TEX11: variants seen among roughly 807,000 people sequenced by gnomAD.
TEX11 encodes testis expressed 11, also known as testis-expressed protein 11.
Under a neutral mutation model 84.4 loss-of-function variants are expected in TEX11, and 7 were observed. That is an observed-to-expected ratio of 0.08 (90% CI 0.05 to 0.16). The LOEUF (loss-of-function observed/expected upper bound fraction) is 0.16, where lower values mean the gene tolerates loss of function less well. Ranked by LOEUF, TEX11 falls within the 10% of genes least tolerant of loss-of-function variation. The probability of loss-of-function intolerance (pLI) is 1.00; values close to 1 mark genes in which losing one functional copy is unlikely to be tolerated. For missense variants in TEX11, 551 were observed against 660.5 expected (o/e 0.83, Z 1.82); for synonymous variants, 264 against 222.8 (o/e 1.18, Z -1.64).
chrX:70,767,821 A>C (rs535995360), intron 9 of TEX11, among the ~76,000 whole-genome samples: 1 of 111,935 alleles, frequency 8.9e-6, no homozygotes, highest in Admixed American at 9.5e-5. Context: ...TGTCATTTGC[A>C]ACAACATAAA....
intron 17 of TEX11, among the ~76,000 whole-genome samples, chrX:70,636,806 A>G (rs2089580499): frequency 8.9e-6 from 1 of 112,157 alleles, no homozygotes; most frequent in South Asian, 3.8e-4. Context: ...CCCAGCTGCT[A>G]ATCCAGGAAC....
chrX:70,893,291 A>G lies in TEX11; in HGVS notation c.38-13182T>C, dbSNP rs1041629640. Among the ~76,000 whole-genome samples, 14 of 111,897 alleles carry G rather than the reference A, an allele frequency of 1.3e-4. No homozygotes were observed. In the South Asian group the frequency reaches 2.2e-3, roughly 18 times the overall value. ...TAGCACTTATTCTAAAATTGACCAC[A>G]TAATTGGAAGTAAAATACTCCTCAG... On this transcript the variant is annotated intron_variant, in intron 2 of 29. Coordinates refer to ENST00000374333, the MANE Select transcript of TEX11 (RefSeq NM_031276.3).
intron 4 of TEX11, among the ~76,000 whole-genome samples, chrX:70,868,750 C>T (rs1189194691): frequency 9.0e-6 from 1 of 110,623 alleles, no homozygotes; most frequent in African/African-American, 3.3e-5. Flanking sequence ...AACTGGAAAC[C>T]ATCACTGTCA....
intron 13 of TEX11, among the ~76,000 whole-genome samples, chrX:70,706,215 A>G (rs979368465): frequency 9.1e-6 from 1 of 109,448 alleles, no homozygotes; most frequent in African/African-American, 3.3e-5. Flanking sequence ...AGGTCAAAAA[A>G]TCAAACACTG....
intron 28 of TEX11, among the ~76,000 whole-genome samples, chrX:70,547,551 T>A (rs1171152926): frequency 9.0e-6 from 1 of 110,615 alleles, no homozygotes; most frequent in African/African-American, 3.3e-5. Context: ...GAATCTACAA[T>A]GAACTCAAAC....
At chrX:70,826,483 T>C (rs1048814321) in intron 8 of TEX11, among the ~76,000 whole-genome samples, 4 of 111,276 alleles carry the variant, frequency 3.6e-5, no homozygotes, top group Non-Finnish European at 7.5e-5. Flanking sequence ...TTTAACTACA[T>C]ATTGTGGAAA....
intron 16 of TEX11, among the ~76,000 whole-genome samples, chrX:70,668,816 G>A (rs976942107): frequency 2.7e-5 from 3 of 111,872 alleles, no homozygotes; most frequent in African/African-American, 9.7e-5. Flanking sequence ...TCCCAGTTTG[G>A]CTCCCTATGC....
At chrX:70,776,632 C>A (rs763067397) in intron 9 of TEX11, among the ~76,000 whole-genome samples, 2 of 109,611 alleles carry the variant, frequency 1.8e-5, no homozygotes, top group East Asian at 5.7e-4. Flanking sequence ...AACTGGAGGT[C>A]ATTATGTTAA....
intron 4 of TEX11, among the ~76,000 whole-genome samples, chrX:70,862,009 G>C (rs996120210): frequency 1.6e-4 from 18 of 109,498 alleles, no homozygotes; most frequent in Non-Finnish European, 2.7e-4. Context: ...TCTGTAGAGA[G>C]GGGGTCTCGC....
At chrX:70,743,093 T>C (rs2090744398) in intron 10 of TEX11, among the ~76,000 whole-genome samples, 2 of 112,113 alleles carry the variant, frequency 1.8e-5, no homozygotes, top group South Asian at 7.4e-4. Flanking sequence ...TTTCTGTCTC[T>C]ATGAATTTGA....
chrX:70,827,268 C>T (rs771772814), intron 8 of TEX11, among the ~76,000 whole-genome samples: 40 of 111,780 alleles, frequency 3.6e-4, no homozygotes, highest in Non-Finnish European at 6.2e-4. Context: ...TAACCATTAA[C>T]GACCCAGGGA....
intron 11 of TEX11, among the ~76,000 whole-genome samples, chrX:70,733,841 A>G (rs1405588271): frequency 1.8e-5 from 2 of 111,752 alleles, no homozygotes; most frequent in African/African-American, 3.3e-5. Flanking sequence ...GCTGCTATAA[A>G]GACATACGCA....
In TEX11 at chrX:70,868,732, A is replaced by G. The variant is rs745892400; in HGVS notation, c.244+4491T>C. Among the ~76,000 whole-genome samples the G allele has an allele frequency of 1.3e-4, 15 of 111,236 alleles. No homozygotes were observed. In the South Asian group the frequency reaches 5.6e-3, roughly 42 times the overall value. On this transcript the variant is annotated intron_variant, in intron 4 of 29. Coordinates refer to ENST00000374333, the MANE Select transcript of TEX11 (RefSeq NM_031276.3). ...ATGAGTGCATGTCCTTTGCGGGGAC[A>G]TGGATGAAACTGGAAACCATCACTG...
At chrX:70,892,037 T>C (rs1164741278) in intron 2 of TEX11, among the ~76,000 whole-genome samples, 1 of 111,674 alleles carries the variant, frequency 9.0e-6, no homozygotes, top group Non-Finnish European at 1.9e-5. Flanking sequence ...TGGATCTCTC[T>C]ACAGAAACCC....
At chrX:70,744,594 T>C (rs1055333393) in intron 9 of TEX11, among the ~76,000 whole-genome samples, 1 of 110,151 alleles carries the variant, frequency 9.1e-6, no homozygotes, top group African/African-American at 3.3e-5. Context: ...ATATATATAA[T>C]TTACTGCATT....
chrX:70,547,275 A>G (rs1291090306), intron 28 of TEX11, among the ~76,000 whole-genome samples: 1 of 110,956 alleles, frequency 9.0e-6, no homozygotes, highest in Non-Finnish European at 1.9e-5. Context: ...TTCTAGGGTA[A>G]TGGAAATGTT....
chrX:70,765,101 T>C (rs1346779269), intron 9 of TEX11, among the ~76,000 whole-genome samples: 1 of 111,489 alleles, frequency 9.0e-6, no homozygotes, highest in Non-Finnish European at 1.9e-5. Context: ...TTCAGCAATA[T>C]ATGGCCGAGT....
At chrX:70,623,845 T>C in intron 20 of TEX11, 105 bp downstream of exon 20, 3 of 677,430 alleles carry the variant, frequency 4.4e-6, no homozygotes, top group Non-Finnish European at 6.4e-6. Flanking sequence ...AAAACCTGTA[T>C]TGATCTTACC....
chrX:70,823,366 T>C (rs962742971), intron 8 of TEX11, among the ~76,000 whole-genome samples: 1 of 110,677 alleles, frequency 9.0e-6, no homozygotes, highest in African/African-American at 3.3e-5. Flanking sequence ...GTGTTGTGTA[T>C]TGTATAGGTG....
Sources: gnomAD v4.1 joint callset for allele counts (sites outside exome capture counted in the v4.1 genomes callset) on GRCh38, gnomAD v4.1.1 for gene constraint, MANE v1.5 for transcripts, NCBI Gene and HGNC (gene_info 2026-07-23, HGNC 2026-07-21) for gene names.